Variants in CSPG4 observed in about 807,000 individuals in gnomAD.
CSPG4 encodes chondroitin sulfate proteoglycan 4, also known as chondroitin sulfate proteoglycan 4 (melanoma-associated).
Under a neutral mutation model 139.3 loss-of-function variants are expected in CSPG4, and 74 were observed. The observed-to-expected ratio is 0.53, with a 90% CI of 0.44 to 0.64. The LOEUF (loss-of-function observed/expected upper bound fraction) is 0.64, where lower values mean the gene tolerates loss of function less well. CSPG4 is among the 30% of genes least tolerant of loss of function. The pLI is 0.00. For missense variants in CSPG4, 2,565 were observed against 3,148.3 expected, an observed-to-expected ratio of 0.81 and a Z score of 4.43; for synonymous variants, 1,234 against 1,394.2, an observed-to-expected ratio of 0.89 and a Z score of 2.56.
At chr15:75,710,686 G>T (rs923649528) in intron 1 of CSPG4, among the ~76,000 whole-genome samples, 5 of 152,168 alleles carry the variant, frequency 3.3e-5, no homozygotes, top group African/African-American at 9.7e-5. Context: ...GATACGGGAG[G>T]ACGAGGGCCT....
At chr15:75,704,975 A>G (rs974682219) in intron 1 of CSPG4, among the ~76,000 whole-genome samples, 3 of 152,144 alleles carry the variant, frequency 2.0e-5, no homozygotes, top group African/African-American at 7.2e-5. Flanking sequence ...AGCAGGGAAA[A>G]GACAGGCTTC....
Position 75,688,864 on chromosome 15 carries a change from C to T in CSPG4, c.2201G>A (p.Arg734Gln), listed in dbSNP as rs1446224125. The T allele has an allele frequency of 1.2e-5, 19 of 1,612,300 alleles. No homozygotes were observed. Among genetic ancestry groups the T allele is most frequent in the African/African-American group, 2.7e-5 (2 of 74,922 alleles). The change falls in exon 3 of 10, where the codon CGG becomes CAG. Residue 734 changes from arginine to glutamine, a missense_variant. Physicochemically the swap from Arg to Gln is conservative, Grantham distance 43. Coordinates refer to ENST00000308508, the MANE Select transcript of CSPG4 (RefSeq NM_001897.5). ...EWWATQAFHQ[R>Q]DVEQGRVRYL... is the part of the protein sequence containing the mutation. ...CCTCACGCGGCCCTGCTCCACATCC[C>T]GCTGGTGGAACGCCTGTGTGGCCCA...
At chr15:75,699,591 ACCCTGGGCT>A (rs1344302742) in intron 1 of CSPG4, among the ~76,000 whole-genome samples, 1 of 151,406 alleles carries the variant, frequency 6.6e-6, no homozygotes, top group East Asian at 1.9e-4. Context: ...TAGGGGCTGC[ACCCTGGGCT>A]CCCAGCCACA....
In CSPG4 at chr15:75,682,981, A is replaced by C. The variant is rs746334753; in HGVS notation, c.4510T>G (p.Ser1504Ala). The C allele has an allele frequency of 6.2e-7, 1 of 1,611,430 alleles. No homozygotes were observed. Among genetic ancestry groups the C allele is most frequent in the Admixed American group, 1.7e-5 (1 of 59,996 alleles). Reference protein sequence around the residue: ...AEALRSTDGDSGSEDLVYTIE... With the variant: ...AEALRSTDGDAGSEDLVYTIE... ...GTGTAGACCAGATCCTCAGACCCAG[A>C]GTCGCCGTCCGTGCTCCTCAGAGCC... Residue 1504 changes from serine to alanine, a missense_variant, in exon 6 of 10, where the codon TCT (serine) becomes GCT (alanine). Coordinates refer to ENST00000308508, the MANE Select transcript of CSPG4 (RefSeq NM_001897.5).
intron 4 of CSPG4, 142 bp from the exon 5 acceptor site, chr15:75,685,054 G>A: frequency 7.9e-7 from 1 of 1,272,348 alleles, no homozygotes; most frequent in Non-Finnish European, 1.1e-6. Context: ...GCTCCGAGGA[G>A]TTGTGAGGAA....
rs546273833 is a variant in CSPG4, at chr15:75,692,602, G to T, written c.252+468C>A. ...GTCGTGGACAGACCATGGTGCTGCA[G>T]AGAAATTGGTGCAGTGCCACCGGGA... On this transcript the variant is annotated intron_variant, in intron 2 of 9. Coordinates refer to ENST00000308508, the MANE Select transcript of CSPG4 (RefSeq NM_001897.5). Among the ~76,000 whole-genome samples the T allele has an allele frequency of 1.4e-4, 21 of 152,370 alleles. No individual in the cohort carries two copies. The East Asian group carries it at 3.5e-3, about 25-fold the overall frequency.
At chr15:75,691,753 G>C (rs1894167651) in intron 2 of CSPG4, among the ~76,000 whole-genome samples, 1 of 152,176 alleles carries the variant, frequency 6.6e-6, no homozygotes, top group African/African-American at 2.4e-5. Context: ...GCTCCCAGAT[G>C]GTAGAATGGG....
chr15:75,682,777 C>T (rs1175813078), intron 6 of CSPG4, 36 bp from the exon 7 acceptor site: 6 of 1,608,110 alleles, frequency 3.7e-6, no homozygotes, highest in Admixed American at 3.3e-5. Flanking sequence ...CTGGCCCGAG[C>T]CGGCTCCCCA....
rs1894091507 is a variant in CSPG4 at position 75,688,103 on chromosome 15, C to T, written c.2962G>A (p.Ala988Thr). 6.2e-7 allele frequency: 1 copy of T among 1,612,864 alleles called. No homozygotes were observed. Among genetic ancestry groups the T allele is most frequent in the East Asian group, 2.2e-5 (1 of 44,888 alleles). ...CCACTGCTCTCGCCCTGGCGGGTAG[C>T]AACAAATGGGATATCATCTTCTGTG... is the stretch of plus-strand genomic sequence containing the variant. ...ETTEDDIPFVATRQGESSGDM... is the reference protein window; with the variant it reads ...ETTEDDIPFVTTRQGESSGDM... The change falls in exon 3 of 10, where the codon GCT becomes ACT. Residue 988 changes from alanine to threonine, a missense_variant. Physicochemically the swap from Ala to Thr is moderately conservative, Grantham distance 58. Around this residue, in one of 5 missense-constraint regions of CSPG4, gnomAD observed 2,316 missense variants for 2,818.2 expected, o/e 0.82. Transcript: ENST00000308508.
rs745924827 is a variant in CSPG4 at position 75,683,056 on chromosome 15, C to T, written c.4450-15G>A. ...CCCTCCCACATCTGGGAACACAGGC[C>T]TGTGAAGGTTCTGCCTTGCCGCACT... On this transcript the variant is annotated splice_polypyrimidine_tract_variant and intron_variant, in intron 5 of 9. Coordinates refer to ENST00000308508, the MANE Select transcript of CSPG4 (RefSeq NM_001897.5). The T allele has an allele frequency of 3.1e-6, 5 of 1,606,418 alleles. No individual in the cohort carries two copies. The highest frequency in any genetic ancestry group is 1.3e-5 in the African/African-American group (1 of 74,942).
Position 75,696,917 on chromosome 15 carries a change from G to A in CSPG4, c.89-3684C>T, listed in dbSNP as rs944264250. Among the ~76,000 whole-genome samples the A allele has an allele frequency of 1.3e-5, 2 of 152,222 alleles. No homozygotes were observed. Among genetic ancestry groups the A allele is most frequent in the Admixed American group, 6.5e-5 (1 of 15,288 alleles). On this transcript the variant is annotated intron_variant, in intron 1 of 9. Coordinates refer to ENST00000308508, the MANE Select transcript of CSPG4 (RefSeq NM_001897.5). This position sits in a 1 kb window ranked among gnomAD's most constrained non-coding sequence, Gnocchi z 4.2. ...GGGCAAGGGCTGCGCTGGCATCTCCGGGCTCCCCGGAGGCACTACTAGGAG... is the reference window on the plus strand; with the variant it reads ...GGGCAAGGGCTGCGCTGGCATCTCCAGGCTCCCCGGAGGCACTACTAGGAG...
intron 3 of CSPG4, among the ~76,000 whole-genome samples, chr15:75,686,914 C>T (rs1894067476): frequency 6.6e-6 from 1 of 152,140 alleles, no homozygotes; most frequent in Non-Finnish European, 1.5e-5. Context: ...TCAGCAATCC[C>T]CAAAGCTCAG....
chr15:75,688,931 G>T lies in CSPG4; in HGVS notation c.2134C>A (p.Leu712Met). The change falls in exon 3 of 10, where the codon CTG (leucine) becomes ATG (methionine). Residue 712 changes from leucine (L) to methionine (M), a missense_variant. Around this residue, in one of 5 missense-constraint regions of CSPG4, gnomAD observed 2,316 missense variants for 2,818.2 expected, o/e 0.82. Coordinates refer to ENST00000308508, the MANE Select transcript of CSPG4 (RefSeq NM_001897.5). ...RVTGALQFGE[L>M]QKQGAGGVEG... ...ACCCCACCTGCCCCCTGCTTCTGCA[G>T]CTCCCCAAACTGCAGGGCCCCAGTG... The T allele has an allele frequency of 6.2e-7, 1 of 1,612,532 alleles. No homozygotes were observed. Among genetic ancestry groups the T allele is most frequent in the Non-Finnish European group, 8.5e-7 (1 of 1,180,018 alleles).
chr15:75,682,556 G>A, intron 7 of CSPG4, 51 bp downstream of exon 7: 1 of 1,602,798 alleles, frequency 6.2e-7, no homozygotes. Context: ...GCCACCCTCA[G>A]CTCCGCCCCA....
chr15:75,684,554 G>C (rs928411496), intron 5 of CSPG4, among the ~76,000 whole-genome samples, 182 bp downstream of exon 5: 3 of 152,218 alleles, frequency 2.0e-5, no homozygotes, highest in Admixed American at 6.5e-5. Context: ...TCCCACCTGT[G>C]TTCTATTTCA....
chr15:75,703,988 C>T lies in CSPG4; in HGVS notation c.88+8680G>A, dbSNP rs565546487. Among the ~76,000 whole-genome samples, 10 of 81,872 alleles carry T rather than the reference C, an allele frequency of 1.2e-4. 1 individual carries two copies. Among genetic ancestry groups the T allele is most frequent in the Admixed American group, 1.1e-3 (9 of 8,078 alleles). The allele number at this position is 81,872 out of a possible 152,430, so 53.7% of individuals were successfully genotyped here. Reference sequence around the variant, plus strand: ...GGGCCAGGGGGTGGAAGATGGGAGCCGGGGGTGGAGAGGAGCCGCTGCTCT... The same window carrying T: ...GGGCCAGGGGGTGGAAGATGGGAGCTGGGGGTGGAGAGGAGCCGCTGCTCT... On this transcript the variant is annotated intron_variant, in intron 1 of 9. Transcript: ENST00000308508.
At chr15:75,683,889 A>C (rs1260180970) in intron 5 of CSPG4, among the ~76,000 whole-genome samples, 1 of 152,172 alleles carries the variant, frequency 6.6e-6, no homozygotes, top group African/African-American at 2.4e-5. Context: ...GAGCAAACAC[A>C]GGTAGATGGC....
rs1379923925 is a variant in CSPG4 at position 75,688,366 on chromosome 15, G to A, written c.2699C>T (p.Pro900Leu). Reference sequence around the variant, plus strand: ...CACGAGGAGGACATTGGTGAGGACAGGCGCATCTGGGTCACCACCAATGTG... The same window carrying A: ...CACGAGGAGGACATTGGTGAGGACAAGCGCATCTGGGTCACCACCAATGTG... ...PIHIGGDPDA[P>L]VLTNVLLVVP... The change falls in exon 3 of 10, where the codon CCT becomes CTT. Residue 900 changes from proline (P) to leucine (L), a missense_variant. This residue lies in a region of CSPG4 where 2,316 missense variants were observed against 2,818.2 expected (regional missense o/e 0.82). Transcript: ENST00000308508. The A allele has an allele frequency of 6.2e-7, 1 of 1,613,366 alleles. No individual in the cohort carries two copies. The highest frequency in any genetic ancestry group is 1.7e-5 in the Admixed American group (1 of 60,030).
chr15:75,681,301 A>C (rs1269444465), intron 8 of CSPG4, among the ~76,000 whole-genome samples: 16 of 152,154 alleles, frequency 1.1e-4, no homozygotes, highest in Admixed American at 1.0e-3. Context: ...GCACTTGCTG[A>C]ATACCATCTG....
Sources: allele counts gnomAD v4.1 joint callset (sites outside exome capture counted in the v4.1 genomes callset), GRCh38; gene constraint gnomAD v4.1.1; regional missense constraint gnomAD v4.1.1; non-coding constraint Gnocchi (gnomAD v3.1); transcripts MANE v1.5; gene names NCBI Gene and HGNC (gene_info 2026-07-23, HGNC 2026-07-21).